MTUS1: variants seen among roughly 807,000 people sequenced by gnomAD.
MTUS1 encodes the protein microtubule-associated tumor suppressor 1.
MTUS1 carries 109 observed loss-of-function variants against 120.8 expected under a neutral mutation model. The observed-to-expected ratio is 0.90, with a 90% CI of 0.77 to 1.06. MTUS1 has a LOEUF of 1.06. MTUS1 is among the 50% of genes least tolerant of loss of function. MTUS1 has a pLI of 0.00. For missense variants in MTUS1, 2,210 were observed against 1,486.3 expected (o/e 1.49, Z -8.01); for synonymous variants, 737 against 550.5 (o/e 1.34, Z -4.74).
upstream of MTUS1, chr8:17,801,495 T>TCGGGCGCTCCCGCC (rs2052671758): frequency 6.7e-6 from 1 of 148,738 alleles, no homozygotes; most frequent in Non-Finnish European, 1.5e-5. Flanking sequence ...GCGCTCCCGC[T>TCGGGCGCTCCCGCC]CTCCGCTCCC....
chr8:17,713,477 A>G (rs1219433944), intron 5 of MTUS1, among the ~76,000 whole-genome samples: 1 of 152,182 alleles, frequency 6.6e-6, no homozygotes, highest in African/African-American at 2.4e-5. Context: ...TGAAGTCACC[A>G]CAAATTAAAT....
chr8:17,679,704 T>C (rs928318751), intron 7 of MTUS1, among the ~76,000 whole-genome samples: 3 of 152,008 alleles, frequency 2.0e-5, no homozygotes, highest in East Asian at 3.9e-4. Context: ...GGTTTCGCCA[T>C]GTTGGCCAGA....
chr8:17,670,094 G>A (rs1342994884), intron 8 of MTUS1, among the ~76,000 whole-genome samples: 3 of 152,198 alleles, frequency 2.0e-5, no homozygotes, highest in East Asian at 1.9e-4. Context: ...GGGGGAACAG[G>A]AGTATGATTT....
intron 6 of MTUS1, chr8:17,697,191 A>T: frequency 6.6e-7 from 1 of 1,508,520 alleles, no homozygotes; most frequent in Non-Finnish European, 8.9e-7. Context: ...AACCTCTGAT[A>T]AACATCTGCA....
At chr8:17,785,100 T>C (rs2051196576) in intron 1 of MTUS1, among the ~76,000 whole-genome samples, 1 of 150,484 alleles carries the variant, frequency 6.6e-6, no homozygotes, top group Non-Finnish European at 1.5e-5. Flanking sequence ...CAAGAACTTT[T>C]ATTCATGCAA....
At chr8:17,715,526 G>A (rs946905609) in intron 5 of MTUS1, among the ~76,000 whole-genome samples, 1 of 152,080 alleles carries the variant, frequency 6.6e-6, no homozygotes, top group Non-Finnish European at 1.5e-5. Flanking sequence ...AAGTTTTGCT[G>A]TTTCTACCTT....
intron 1 of MTUS1, among the ~76,000 whole-genome samples, chr8:17,790,194 A>G (rs1318279411): frequency 6.6e-6 from 1 of 152,048 alleles, no homozygotes. Context: ...TAAAAATACA[A>G]AAAATTAGCC....
chr8:17,671,399 T>G (rs1811993517), intron 8 of MTUS1, among the ~76,000 whole-genome samples: 1 of 152,214 alleles, frequency 6.6e-6, no homozygotes, highest in South Asian at 2.1e-4. Context: ...ATTATGGACT[T>G]TATACCTGAA....
intron 2 of MTUS1, among the ~76,000 whole-genome samples, chr8:17,745,297 G>A (rs918298630): frequency 2.6e-5 from 4 of 152,178 alleles, no homozygotes; most frequent in African/African-American, 7.2e-5. Context: ...ATGAAATGGT[G>A]TAGGGTTTGC....
rs139800006 is a variant in MTUS1, at chr8:17,711,109, T to G, written c.2623+2105A>C. Among the ~76,000 whole-genome samples, 398 of 152,264 alleles carry G rather than the reference T, an allele frequency of 2.6e-3. 5 individuals carry two copies. Among genetic ancestry groups the G allele is most frequent in the South Asian group, 1.7e-3 (8 of 4,822 alleles). On this transcript the variant is annotated intron_variant, in intron 6 of 14. Coordinates refer to ENST00000693296, the MANE Select transcript of MTUS1 (RefSeq NM_001363059.2). The stretch of plus-strand genomic sequence containing the variant: ...ACAGGCAGAGTAGATTTAACGTAAT[T>G]CTTAAGGGCCCTAGAATTTTCAGAA...
At chr8:17,660,738 A>ATGGCTGTG in intron 8 of MTUS1, among the ~76,000 whole-genome samples, 1 of 152,324 alleles carries the variant, frequency 6.6e-6, no homozygotes, top group South Asian at 2.1e-4. Context: ...CATCCTAATG[A>ATGGCTGTG]GTACATCACT....
At chr8:17,734,422 C>T (rs191578355) in intron 3 of MTUS1, among the ~76,000 whole-genome samples, 1 of 152,072 alleles carries the variant, frequency 6.6e-6, no homozygotes, top group African/African-American at 2.4e-5. Flanking sequence ...AACAAAAACA[C>T]GGCAAGTCTT....
intron 1 of MTUS1, among the ~76,000 whole-genome samples, chr8:17,799,082 TCA>T (rs1360609956): frequency 1.3e-5 from 2 of 152,132 alleles, no homozygotes; most frequent in African/African-American, 2.4e-5. Flanking sequence ...ACCAGTATTC[TCA>T]CAGAGAGCTG....
chr8:17,762,597 T>C (rs1328480486), intron 1 of MTUS1, among the ~76,000 whole-genome samples: 1 of 152,192 alleles, frequency 6.6e-6, no homozygotes, highest in Non-Finnish European at 1.5e-5. Context: ...CGATTTCCTA[T>C]GAAGTTGCTT....
At chr8:17,663,124 A>T (rs1226793763) in intron 8 of MTUS1, among the ~76,000 whole-genome samples, 1 of 152,230 alleles carries the variant, frequency 6.6e-6, no homozygotes, top group Non-Finnish European at 1.5e-5. Flanking sequence ...TCAAGATGAT[A>T]TGTGGAAAAT....
At chr8:17,758,100 G>A (rs531052129) in intron 1 of MTUS1, 18 of 152,270 alleles carry the variant, frequency 1.2e-4, no homozygotes, top group Admixed American at 6.5e-5. Context: ...TATCCATGAG[G>A]GAGGGAAAAA....
intron 7 of MTUS1, among the ~76,000 whole-genome samples, chr8:17,678,310 A>G (rs1585619068): frequency 6.6e-6 from 1 of 152,322 alleles, no homozygotes; most frequent in South Asian, 2.1e-4. Context: ...CGTCTAGATA[A>G]CAGGTTGATT....
At chr8:17,744,689 C>CTTTTTTTTTTTTTTTTTTTT (rs58283163) in intron 2 of MTUS1, among the ~76,000 whole-genome samples, 309 of 98,924 alleles carry the variant, frequency 3.1e-3, no homozygotes, top group Middle Eastern at 0.023. Flanking sequence ...ACCATGTTTT[C>CTTTTTTTTTTTTTTTTTTTT]TTTTTTTTTT....
At chr8:17,709,654 A>G (rs9325820) in intron 6 of MTUS1, among the ~76,000 whole-genome samples, 70,021 of 151,810 alleles carry the variant, frequency 0.46, 16,949 homozygotes, top group African/African-American at 0.61. Context: ...CAGTGCATAT[A>G]AAACTTATAT....
Sources: allele counts gnomAD v4.1 joint callset (sites outside exome capture counted in the v4.1 genomes callset), GRCh38; gene constraint gnomAD v4.1.1; transcripts MANE v1.5; gene names NCBI Gene and HGNC (gene_info 2026-07-23, HGNC 2026-07-21).